The following TIAM2 variants were observed in gnomAD, a reference collection of about 807,000 sequenced individuals.
TIAM2 encodes TIAM Rac1 associated GEF 2, also known as rho guanine nucleotide exchange factor TIAM2.
A neutral mutation model predicts 152.9 loss-of-function variants in TIAM2; 80 were observed. The ratio of observed to expected loss-of-function variants is 0.52; its 90% CI spans 0.44 to 0.63. The LOEUF (loss-of-function observed/expected upper bound fraction) is 0.63, where lower values mean the gene tolerates loss of function less well. Among genes scored for constraint, TIAM2 ranks in the 30% least tolerant of loss-of-function variants. The probability of loss-of-function intolerance (pLI) is 0.00; values close to 1 mark genes in which losing one functional copy is unlikely to be tolerated. For missense variants in TIAM2, 1,965 were observed against 2,120.1 expected (o/e 0.93, Z 1.44); for synonymous variants, 804 against 838.0 (o/e 0.96, Z 0.70).
At chr6:155,148,413 G>C in intron 7 of TIAM2, 79 bp downstream of exon 7, 1 of 1,378,878 alleles carries the variant, frequency 7.3e-7, no homozygotes, top group Non-Finnish European at 1.0e-6. Context: ...TGTCATCTTG[G>C]TGGTATTTCT....
At chr6:155,150,656 A>G (rs1234921155) in intron 7 of TIAM2, among the ~76,000 whole-genome samples, 1 of 152,200 alleles carries the variant, frequency 6.6e-6, no homozygotes, top group Non-Finnish European at 1.5e-5. Context: ...CTTATAAACA[A>G]GAGCAATTTA....
chr6:155,027,155 C>G (rs1776621018), intron 1 of TIAM2, among the ~76,000 whole-genome samples: 1 of 151,600 alleles, frequency 6.6e-6, no homozygotes, highest in Admixed American at 6.6e-5. Flanking sequence ...CCTGCCTCAG[C>G]CTCCTGAGTA....
chr6:155,081,323 C>G (rs866372446), intron 1 of TIAM2, among the ~76,000 whole-genome samples: 1 of 151,060 alleles, frequency 6.6e-6, no homozygotes, highest in African/African-American at 2.4e-5. Context: ...CATGTACTTA[C>G]AGTCATTCAA....
chr6:155,188,735 TA>T (rs1781115459), intron 14 of TIAM2, among the ~76,000 whole-genome samples: 1 of 152,218 alleles, frequency 6.6e-6, no homozygotes, highest in South Asian at 2.1e-4. Context: ...CAGCAGCTTT[TA>T]AGAAAGTCTC....
At chr6:155,108,207 A>G (rs932434394) in intron 2 of TIAM2, among the ~76,000 whole-genome samples, 33 of 152,184 alleles carry the variant, frequency 2.2e-4, no homozygotes, top group Admixed American at 1.3e-3. Context: ...GTGCTGGGTC[A>G]GGGCTGTCAT....
chr6:155,104,058 C>CCCCCCCCACA (rs1778620589), intron 2 of TIAM2, among the ~76,000 whole-genome samples: 1 of 60,318 alleles, frequency 1.7e-5, no homozygotes, highest in Non-Finnish European at 3.5e-5. Flanking sequence ...CCCCACACCC[C>CCCCCCCCACA]CACACACCCC....
intron 2 of TIAM2, among the ~76,000 whole-genome samples, chr6:155,097,464 C>T (rs1778440491): frequency 6.6e-6 from 1 of 152,204 alleles, no homozygotes; most frequent in African/African-American, 2.4e-5. Flanking sequence ...ATTTCAGTCT[C>T]CTGAGTAGCT....
intron 16 of TIAM2, among the ~76,000 whole-genome samples, chr6:155,241,149 C>T (rs1189759066): frequency 6.6e-6 from 1 of 152,190 alleles, no homozygotes; most frequent in Non-Finnish European, 1.5e-5. Flanking sequence ...TCGTGTAGAA[C>T]TGGGACGCAC....
chr6:155,243,074 C>T (rs1286291093), intron 16 of TIAM2, among the ~76,000 whole-genome samples: 1 of 152,090 alleles, frequency 6.6e-6, no homozygotes, highest in Non-Finnish European at 1.5e-5. Context: ...AAATCTTTCG[C>T]TCATGGGTTT....
chr6:155,211,831 C>T (rs9478625), intron 15 of TIAM2, among the ~76,000 whole-genome samples: 52,394 of 151,946 alleles, frequency 0.34, 9,593 homozygotes, highest in East Asian at 0.53. Flanking sequence ...ACTTTTTCAT[C>T]ATTCCAGACA....
rs557378875 is a variant in TIAM2 at position 155,178,165 on chromosome 6, T to TAA, written c.2524-852_2524-851dup. On this transcript the variant is annotated intron_variant, in intron 10 of 26. Transcript: ENST00000682666. Reference sequence around the variant, plus strand: ...GACAGAGCAAGACTCCGTCTCAAATTAAAAAAAAAAAAAAAAAAAAAAAGA... The same window carrying TAA: ...GACAGAGCAAGACTCCGTCTCAAATTAAAAAAAAAAAAAAAAAAAAAAAAAGA... 9.6e-4 allele frequency among the ~76,000 whole-genome samples: 80 copies of TAA among 83,238 alleles called. 1 individual carries two copies. Among genetic ancestry groups the TAA allele is most frequent in the South Asian group, 1.6e-3 (4 of 2,580 alleles). The allele number at this position is 83,238 out of a possible 152,430, so 54.6% of individuals were successfully genotyped here. A position where few individuals can be genotyped will look rare whatever the true frequency, so the allele number is the denominator to read the frequency against.
At chr6:155,208,761 C>G (rs1426500237) in intron 14 of TIAM2, among the ~76,000 whole-genome samples, 2 of 152,112 alleles carry the variant, frequency 1.3e-5, no homozygotes, top group Non-Finnish European at 2.9e-5. Flanking sequence ...TCCCTTTTTT[C>G]TGTTGCTCTC....
In TIAM2 at chr6:155,018,095, G is replaced by A. The variant is rs575208823; in HGVS notation, c.-209+22603G>A. Among the ~76,000 whole-genome samples, 24 of 152,000 alleles carry A rather than the reference G, an allele frequency of 1.6e-4. 1 individual carries two copies. Among genetic ancestry groups the A allele is most frequent in the Admixed American group, 1.0e-3 (16 of 15,268 alleles). ...ATTGGATTAAAATACATTATGGGCC[G>A]GGCACAGTGGCTCACGCCTGTAATC... is the stretch of plus-strand genomic sequence containing the variant. On this transcript the variant is annotated intron_variant, in intron 1 of 26. Transcript: ENST00000682666.
chr6:155,247,198 AC>A (rs1783383712), intron 19 of TIAM2, among the ~76,000 whole-genome samples: 3 of 152,196 alleles, frequency 2.0e-5, no homozygotes, highest in African/African-American at 4.8e-5. Context: ...TTTCCAGATA[AC>A]CCTTAAGTGT....
chr6:155,089,101 T>C (rs1362063251), intron 1 of TIAM2, among the ~76,000 whole-genome samples: 1 of 152,146 alleles, frequency 6.6e-6, no homozygotes, highest in African/African-American at 2.4e-5. Context: ...TACTTTCTGA[T>C]GTGTTGACTA....
chr6:155,197,147 C>T (rs1781365472), intron 14 of TIAM2, among the ~76,000 whole-genome samples: 1 of 152,258 alleles, frequency 6.6e-6, no homozygotes, highest in African/African-American at 2.4e-5. Flanking sequence ...TGTGCCAAAT[C>T]TGGACTTCCC....
chr6:155,219,371 A>T (rs1253399066), intron 15 of TIAM2, among the ~76,000 whole-genome samples: 1 of 151,870 alleles, frequency 6.6e-6, no homozygotes, highest in East Asian at 1.9e-4. Context: ...GTGAAGCCTG[A>T]GCGGCTCTGC....
At chr6:155,058,054 T>A (rs1467983053) in intron 1 of TIAM2, among the ~76,000 whole-genome samples, 1 of 152,168 alleles carries the variant, frequency 6.6e-6, no homozygotes, top group Non-Finnish European at 1.5e-5. Context: ...TGGAGCTCTT[T>A]CAGGTGGCTC....
At chr6:155,013,609 C>G (rs1207982052) in intron 1 of TIAM2, 1 of 152,128 alleles carries the variant, frequency 6.6e-6, no homozygotes, top group African/African-American at 2.4e-5. Context: ...TTCCTCCCAA[C>G]TCTTTCTAGG....
Sources: gnomAD v4.1 joint callset for allele counts (sites outside exome capture counted in the v4.1 genomes callset) on GRCh38, gnomAD v4.1.1 for gene constraint, MANE v1.5 for transcripts, NCBI Gene and HGNC (gene_info 2026-07-23, HGNC 2026-07-21) for gene names.